PLPP1: variants seen among roughly 807,000 people sequenced by gnomAD.
PLPP1 encodes the protein lipid phosphate phosphohydrolase 1a.
Under a neutral mutation model 31.2 loss-of-function variants are expected in PLPP1, and 24 were observed. The ratio of observed to expected loss-of-function variants is 0.77; its 90% CI spans 0.56 to 1.08. PLPP1 has a LOEUF of 1.08. Among genes scored for constraint, PLPP1 ranks in the 50% least tolerant of loss-of-function variants. The probability of loss-of-function intolerance (pLI) is 0.00; values close to 1 mark genes in which losing one functional copy is unlikely to be tolerated. For missense variants in PLPP1, 319 were observed against 342.7 expected (o/e 0.93, Z 0.55); for synonymous variants, 146 against 126.3 (o/e 1.16, Z -1.05).
At chr5:55,445,281 T>C (rs1404693653) in intron 3 of PLPP1, among the ~76,000 whole-genome samples, 2 of 152,138 alleles carry the variant, frequency 1.3e-5, no homozygotes, top group South Asian at 4.1e-4. Flanking sequence ...TTCAGCCTCA[T>C]AAATCGCAAA....
At chr5:55,511,052 G>T (rs1241365341) in intron 1 of PLPP1, among the ~76,000 whole-genome samples, 1 of 152,104 alleles carries the variant, frequency 6.6e-6, no homozygotes, top group African/African-American at 2.4e-5. Flanking sequence ...ACAACACTTA[G>T]TTTATTATTG....
At chr5:55,511,100 T>G (rs1753394921) in intron 1 of PLPP1, among the ~76,000 whole-genome samples, 1 of 152,216 alleles carries the variant, frequency 6.6e-6, no homozygotes, top group South Asian at 2.1e-4. Context: ...TGTCTATGTA[T>G]CTCTTTAATC....
At chr5:55,430,613 A>T (rs1751324491) in intron 4 of PLPP1, among the ~76,000 whole-genome samples, 1 of 152,252 alleles carries the variant, frequency 6.6e-6, no homozygotes, top group African/African-American at 2.4e-5. Flanking sequence ...AGGCAAATTC[A>T]AAAAATTGGA....
chr5:55,425,239 A>G lies in PLPP1; in HGVS notation c.822T>C (p.Thr274=). ...GGTGATTGCTCGGATAGTGATTCCC[A>G]GTTGTTGGTGTTTCATGCAGAGTTG... ...SHTTLHETPT[T]GNHYPSNHQP is the part of the protein sequence containing the mutation. Residue 274 remains threonine, a synonymous_variant, in exon 6 of 6, where the codon ACT becomes ACC. Transcript: ENST00000307259. 6.2e-7 allele frequency: 1 copy of G among 1,613,918 alleles called. No homozygotes were observed. Among genetic ancestry groups the G allele is most frequent in the Non-Finnish European group, 8.5e-7 (1 of 1,179,950 alleles).
At chr5:55,444,466 T>C (rs917618238) in intron 3 of PLPP1, among the ~76,000 whole-genome samples, 2 of 152,184 alleles carry the variant, frequency 1.3e-5, no homozygotes, top group Non-Finnish European at 2.9e-5. Flanking sequence ...CCTTAGACTT[T>C]AACCAATTCT....
chr5:55,445,745 G>T (rs555948503), intron 3 of PLPP1, among the ~76,000 whole-genome samples: 7 of 151,506 alleles, frequency 4.6e-5, no homozygotes, highest in Non-Finnish European at 1.0e-4. Context: ...GGGTTTCACC[G>T]TGTTGCCCAG....
intron 1 of PLPP1, chr5:55,484,325 T>C (rs1405623148): frequency 6.6e-6 from 1 of 152,112 alleles, no homozygotes; most frequent in African/African-American, 2.4e-5. Flanking sequence ...TTCTCCTTGT[T>C]GTAGTTAGAG....
At chr5:55,534,020 T>G (rs895110428) in intron 1 of PLPP1, among the ~76,000 whole-genome samples, 6 of 152,014 alleles carry the variant, frequency 3.9e-5, no homozygotes, top group African/African-American at 1.5e-4. Flanking sequence ...CCCCCAAAAC[T>G]TCTTTAGACC....
chr5:55,465,047 G>GT (rs11292300), intron 3 of PLPP1, among the ~76,000 whole-genome samples: 52 of 134,010 alleles, frequency 3.9e-4, no homozygotes, highest in African/African-American at 8.6e-4. Flanking sequence ...GGCGGAGGTG[G>GT]TTTTTTTTTT....
chr5:55,458,051 C>G (rs557623669), intron 3 of PLPP1, among the ~76,000 whole-genome samples: 2 of 152,304 alleles, frequency 1.3e-5, no homozygotes, highest in East Asian at 1.9e-4. Context: ...GAGACATAGG[C>G]ATGGCATTTG....
intron 3 of PLPP1, among the ~76,000 whole-genome samples, chr5:55,467,543 T>TAAAAA (rs3990254): frequency 0.85 from 124,592 of 147,056 alleles, 53,283 homozygotes; most frequent in Admixed American, 0.91. Context: ...TATAAAAATG[T>TAAAAA]AAAAAAAATT....
chr5:55,425,675 T>TAAG lies in PLPP1; in HGVS notation c.726+185_726+187dup, dbSNP rs1434701952. 8.1e-5 allele frequency: 42 copies of TAAG among 518,030 alleles called. No individual in the cohort carries two copies. In the East Asian group the frequency reaches 1.4e-3, roughly 17 times the overall value. 32.1% of individuals were successfully genotyped at this position (518,030 alleles called of 1,614,324 possible). On this transcript the variant is annotated intron_variant, in intron 5 of 5. Transcript: ENST00000307259. Reference sequence around the variant, plus strand: ...AAATACTAAGATTTTACAAAACTACTAAGTTTTAGAAAGAGCAACCTAGTT... The same window carrying TAAG: ...AAATACTAAGATTTTACAAAACTACTAAGAAGTTTTAGAAAGAGCAACCTAGTT...
chr5:55,486,707 G>A (rs1752782716), intron 1 of PLPP1, among the ~76,000 whole-genome samples: 1 of 152,040 alleles, frequency 6.6e-6, no homozygotes, highest in Admixed American at 6.6e-5. Context: ...GAGGTCAGGA[G>A]TTTAAAACCA....
intron 2 of PLPP1, among the ~76,000 whole-genome samples, chr5:55,469,648 C>T (rs1487396318): frequency 6.6e-6 from 1 of 152,016 alleles, no homozygotes; most frequent in Non-Finnish European, 1.5e-5. Flanking sequence ...TTTATATAAA[C>T]TATTTTATAA....
chr5:55,425,740 T>C lies in PLPP1; in HGVS notation c.726+123A>G, dbSNP rs1579911182. 2.3e-5 allele frequency: 21 copies of C among 901,738 alleles called. No homozygotes were observed. The East Asian group carries it at 4.9e-4, about 21-fold the overall frequency. 55.9% of individuals were successfully genotyped at this position (901,738 alleles called of 1,614,324 possible). ...TATCCTGAAGTGACTTTTAATAACATTGAGATTCTTGCCCACTGCATAGTC... is the reference window on the plus strand; with the variant it reads ...TATCCTGAAGTGACTTTTAATAACACTGAGATTCTTGCCCACTGCATAGTC... On this transcript the variant is annotated intron_variant, in intron 5 of 5. Coordinates refer to ENST00000307259, the MANE Select transcript of PLPP1 (RefSeq NM_003711.4).
At chr5:55,449,707 TTTTCTTCAAATG>T (rs1751853473) in intron 3 of PLPP1, among the ~76,000 whole-genome samples, 2 of 152,306 alleles carry the variant, frequency 1.3e-5, no homozygotes, top group African/African-American at 4.8e-5. Flanking sequence ...ACATGAGGCA[TTTTCTTCAAATG>T]TTTCTTCAAA....
At position 55,468,044 on chromosome 5, in the gene PLPP1, A is replaced by G. The variant is rs764302987; in HGVS notation, c.316T>C (p.Leu106=). ...GACTGACTAGCAGCTGCACCAAATA[A>G]AAAGGTTCCAATGGCTTTGTAAATA... ...ATIYKAIGTF[L]FGAAASQSLT... The change falls in exon 3 of 6, where the codon TTA becomes CTA. Residue 106 remains leucine, a synonymous_variant. Transcript: ENST00000307259. The G allele has an allele frequency of 5.0e-6, 8 of 1,614,078 alleles. No homozygotes were observed. The highest frequency in any genetic ancestry group is 6.8e-6 in the Non-Finnish European group (8 of 1,180,024).
At chr5:55,512,674 T>C (rs1386585944) in intron 1 of PLPP1, among the ~76,000 whole-genome samples, 1 of 151,994 alleles carries the variant, frequency 6.6e-6, no homozygotes, top group African/African-American at 2.4e-5. Flanking sequence ...ACCTATACAA[T>C]GAAATACTAT....
At chr5:55,479,392 T>C (rs1304488898) in intron 1 of PLPP1, among the ~76,000 whole-genome samples, 1 of 152,178 alleles carries the variant, frequency 6.6e-6, no homozygotes, top group Non-Finnish European at 1.5e-5. Flanking sequence ...TAAACCTAAA[T>C]ACAGACCCCT....
Sources: gnomAD v4.1 joint callset for allele counts (sites outside exome capture counted in the v4.1 genomes callset) on GRCh38, gnomAD v4.1.1 for gene constraint, MANE v1.5 for transcripts, NCBI Gene and HGNC (gene_info 2026-07-23, HGNC 2026-07-21) for gene names.